PDS5B: variants seen among roughly 807,000 people sequenced by gnomAD.
PDS5B encodes sister chromatid cohesion protein PDS5 homolog B.
Under a neutral mutation model 184.1 loss-of-function variants are expected in PDS5B, and 51 were observed. That is an observed-to-expected ratio of 0.28 (90% CI 0.22 to 0.35). The LOEUF is 0.35. Among genes scored for constraint, PDS5B ranks in the 10% least tolerant of loss-of-function variants. PDS5B has a pLI of 1.00. For synonymous variants in PDS5B, 566 were observed against 569.2 expected (o/e 0.99, Z 0.08); for missense variants, 1,180 against 1,723.3 (o/e 0.68, Z 5.58).
chr13:32,654,605 G>C (rs571496145), intron 3 of PDS5B, among the ~76,000 whole-genome samples: 1 of 152,160 alleles, frequency 6.6e-6, no homozygotes, highest in Admixed American at 6.5e-5. Context: ...CATGTCATGA[G>C]GGTTTGGTGT....
Position 32,595,169 on chromosome 13 carries a change from T to TA in PDS5B, c.-20+8587dup, listed in dbSNP as rs527556010. Among the ~76,000 whole-genome samples, 200 of 147,740 alleles carry TA rather than the reference T, an allele frequency of 1.4e-3. 5 individuals carry two copies. In the South Asian group the frequency reaches 0.03, roughly 22 times the overall value. ...CTTGATTAATAACAGATTTCTTTCT[T>TA]AAAAAAAAAAATGTTGTAGGGGATG... On this transcript the variant is annotated intron_variant, in intron 1 of 34. Transcript: ENST00000315596.
At chr13:32,628,179 A>G (rs867850366) in intron 1 of PDS5B, among the ~76,000 whole-genome samples, 6 of 152,238 alleles carry the variant, frequency 3.9e-5, no homozygotes, top group Non-Finnish European at 7.3e-5. Context: ...TTGAAATAAC[A>G]TATCTACAAG....
At chr13:32,587,245 C>T (rs2057701538) in intron 1 of PDS5B, among the ~76,000 whole-genome samples, 1 of 151,582 alleles carries the variant, frequency 6.6e-6, no homozygotes, top group Admixed American at 6.6e-5. Flanking sequence ...GACATTTTTG[C>T]ACTGTCCCTC....
chr13:32,591,573 G>A (rs2057776584), intron 1 of PDS5B, among the ~76,000 whole-genome samples: 2 of 151,988 alleles, frequency 1.3e-5, no homozygotes, highest in African/African-American at 2.4e-5. Context: ...GTAGTACTAC[G>A]TTGTAATAGT....
chr13:32,721,577 G>C (rs984692856), intron 19 of PDS5B, among the ~76,000 whole-genome samples: 1 of 145,296 alleles, frequency 6.9e-6, no homozygotes, highest in East Asian at 2.1e-4. Context: ...GGTGGCGGCC[G>C]GGTAGAGACG....
intron 1 of PDS5B, among the ~76,000 whole-genome samples, chr13:32,630,400 A>G (rs1283525117): frequency 6.6e-6 from 1 of 152,116 alleles, no homozygotes; most frequent in Non-Finnish European, 1.5e-5. Context: ...GATGGTGTGC[A>G]TGCCCTCCTC....
At chr13:32,631,523 AGT>A (rs773349815) in intron 1 of PDS5B, among the ~76,000 whole-genome samples, 83 of 152,346 alleles carry the variant, frequency 5.4e-4, no homozygotes, top group Non-Finnish European at 8.5e-4. Context: ...TATATTCCCC[AGT>A]CAACAGTACC....
intron 20 of PDS5B, 25 bp from the exon 21 acceptor site, chr13:32,735,147 T>C: frequency 6.8e-7 from 1 of 1,476,762 alleles, no homozygotes; most frequent in Non-Finnish European, 9.1e-7. Context: ...AGAGTTGAAA[T>C]ATATTTTCCT....
intron 1 of PDS5B, among the ~76,000 whole-genome samples, chr13:32,611,668 C>G (rs1774378974): frequency 6.6e-6 from 1 of 151,744 alleles, no homozygotes; most frequent in African/African-American, 2.4e-5. Flanking sequence ...CCACCACTCC[C>G]TGCTAAGTTT....
intron 20 of PDS5B, among the ~76,000 whole-genome samples, chr13:32,733,074 G>A (rs762886513): frequency 3.9e-5 from 6 of 152,038 alleles, no homozygotes; most frequent in East Asian, 1.9e-4. Context: ...TGGGGATGGC[G>A]GTATTTTCTG....
At chr13:32,694,495 C>A (rs1358900169) in intron 14 of PDS5B, among the ~76,000 whole-genome samples, 191 bp downstream of exon 14, 1 of 151,822 alleles carries the variant, frequency 6.6e-6, no homozygotes, top group African/African-American at 2.4e-5. Flanking sequence ...ATGTTTATAT[C>A]TGCAAAAGGT....
intron 10 of PDS5B, among the ~76,000 whole-genome samples, chr13:32,679,551 G>T (rs917614972): frequency 6.6e-6 from 1 of 152,006 alleles, no homozygotes; most frequent in Non-Finnish European, 1.5e-5. Context: ...CAGGAGAATT[G>T]CTTGAACCTG....
intron 31 of PDS5B, among the ~76,000 whole-genome samples, chr13:32,768,217 G>C (rs1160998820): frequency 5.3e-5 from 8 of 152,136 alleles, no homozygotes; most frequent in African/African-American, 1.7e-4. Context: ...CAGCAGATTT[G>C]GTTCCTGATG....
At chr13:32,703,991 C>T (rs1218719078) in intron 17 of PDS5B, among the ~76,000 whole-genome samples, 1 of 152,034 alleles carries the variant, frequency 6.6e-6, no homozygotes. Context: ...CAAGGCTGTT[C>T]ACCCAGTTGA....
intron 19 of PDS5B, among the ~76,000 whole-genome samples, chr13:32,728,793 G>A (rs1351365631): frequency 2.6e-5 from 4 of 152,050 alleles, no homozygotes; most frequent in Non-Finnish European, 4.4e-5. Context: ...TCTCTTCTGG[G>A]CATTTAAGGC....
At chr13:32,685,517 A>G (rs879460317) in intron 11 of PDS5B, among the ~76,000 whole-genome samples, 21 of 152,180 alleles carry the variant, frequency 1.4e-4, no homozygotes, top group Admixed American at 4.6e-4. Flanking sequence ...CTGAAAAATA[A>G]TTGACTATAT....
intron 1 of PDS5B, among the ~76,000 whole-genome samples, chr13:32,599,784 G>A (rs192747884): frequency 1.1e-4 from 17 of 151,868 alleles, no homozygotes; most frequent in Admixed American, 7.9e-4. Context: ...GCGTGGTGGC[G>A]GGTGCCTGTA....
intron 24 of PDS5B, among the ~76,000 whole-genome samples, chr13:32,749,358 A>G (rs1953884299): frequency 6.6e-6 from 1 of 152,226 alleles, no homozygotes; most frequent in African/African-American, 2.4e-5. Flanking sequence ...GTACAGGACT[A>G]TGCTTTGCGC....
chr13:32,741,262 A>G, intron 22 of PDS5B, 114 bp downstream of exon 22: 1 of 612,030 alleles, frequency 1.6e-6, no homozygotes, highest in South Asian at 2.3e-5. Context: ...AAGTATTTAC[A>G]TTTATTGTAT....
Sources: gnomAD v4.1 joint callset for allele counts (sites outside exome capture counted in the v4.1 genomes callset) on GRCh38, gnomAD v4.1.1 for gene constraint, MANE v1.5 for transcripts, NCBI Gene and HGNC (gene_info 2026-07-23, HGNC 2026-07-21) for gene names.